Variants in MAD1L1 observed in about 807,000 individuals in gnomAD.
The protein encoded by MAD1L1 is mitotic arrest deficient 1 like 1.
A neutral mutation model predicts 96.9 loss-of-function variants in MAD1L1; 95 were observed. The observed-to-expected ratio is 0.98, with a 90% CI of 0.83 to 1.16. MAD1L1 has a LOEUF of 1.16. Ranked by LOEUF, MAD1L1 falls within the 50% of genes most tolerant of loss-of-function variation. MAD1L1 has a pLI of 0.00. For synonymous variants in MAD1L1, 473 were observed against 396.6 expected (o/e 1.19, Z -2.29); for missense variants, 1,007 against 954.4 (o/e 1.06, Z -0.73).
rs1786916014 is a variant in MAD1L1 at position 2,103,347 on chromosome 7, G to C, written c.1074-34009C>G. ...CTGCACTCAGTGAAGGCCTGGGCCT[G>C]CCTGCCCCGCCGCTCAGTAGACGGC... On this transcript the variant is annotated intron_variant, in intron 11 of 18. Transcript: ENST00000265854. The surrounding 1 kb of genome is among the most constrained non-coding windows in gnomAD (Gnocchi z 4.3). Among the ~76,000 whole-genome samples the C allele has an allele frequency of 6.6e-6, 1 of 152,262 alleles. No homozygotes were observed. Among genetic ancestry groups the C allele is most frequent in the South Asian group, 2.1e-4 (1 of 4,822 alleles).
chr7:1,921,935 GA>G (rs1788817037), intron 17 of MAD1L1, among the ~76,000 whole-genome samples: 1 of 152,168 alleles, frequency 6.6e-6, no homozygotes, highest in South Asian at 2.1e-4. Context: ...GAAGAAAATA[GA>G]ATTATTTATC....
chr7:2,150,360 G>A (rs765738514), intron 10 of MAD1L1, among the ~76,000 whole-genome samples: 2 of 152,226 alleles, frequency 1.3e-5, no homozygotes, highest in East Asian at 3.9e-4. Context: ...AAACGCGCAC[G>A]CTGCAAACCT....
Position 2,229,989 on chromosome 7 carries a change from T to A in MAD1L1, c.145A>T (p.Met49Leu), listed in dbSNP as rs190986795. 1 of 1,612,654 alleles carries A rather than the reference T, an allele frequency of 6.2e-7. No homozygotes were observed. Among genetic ancestry groups the A allele is most frequent in the South Asian group, 1.1e-5 (1 of 91,016 alleles). ...GSLQMQYQQS[M>L]QLEERAEQIR... ...CCCAGGCACATGCCACTCACCTGCA[T>A]GCTCTGCTGGTACTGCATCTGCAGA... Residue 49 changes from methionine (M) to leucine (L), a missense_variant, in exon 3 of 19, where the codon ATG (methionine) becomes TTG (leucine). By Grantham distance (15) the Met-to-Leu change is conservative (BLOSUM62 2). Coordinates refer to ENST00000265854, the MANE Select transcript of MAD1L1 (RefSeq NM_001013836.2).
chr7:1,851,089 G>A (rs1646087702), intron 18 of MAD1L1, among the ~76,000 whole-genome samples: 1 of 152,234 alleles, frequency 6.6e-6, no homozygotes, highest in African/African-American at 2.4e-5. Context: ...AAGCCCACAG[G>A]CCACAAGCGT....
rs1780281765 is a variant in MAD1L1, at chr7:1,968,750, A to G, written c.1506-11031T>C. ...ACCACCATCTCAGGTTAACAATGAA[A>G]CACATCACACAAGCTCGCTTCGGGG... On this transcript the variant is annotated intron_variant, in intron 15 of 18. Coordinates refer to ENST00000265854, the MANE Select transcript of MAD1L1 (RefSeq NM_001013836.2). This position sits in a 1 kb window ranked among gnomAD's most constrained non-coding sequence, Gnocchi z 5.6. Among the ~76,000 whole-genome samples the G allele has an allele frequency of 6.6e-6, 1 of 152,234 alleles. No homozygotes were observed. The highest frequency in any genetic ancestry group is 1.5e-5 in the Non-Finnish European group (1 of 68,040).
chr7:2,073,393 A>C (rs1175983523), intron 11 of MAD1L1, among the ~76,000 whole-genome samples: 3 of 152,114 alleles, frequency 2.0e-5, no homozygotes. Flanking sequence ...GACCCCTCGG[A>C]CCCTTGCTGG....
chr7:1,869,226 G>A (rs1217882091), intron 18 of MAD1L1, among the ~76,000 whole-genome samples: 1 of 152,164 alleles, frequency 6.6e-6, no homozygotes, highest in East Asian at 1.9e-4. Flanking sequence ...AGGCCCGGGG[G>A]AACGCCAGGG....
intron 12 of MAD1L1, among the ~76,000 whole-genome samples, chr7:2,055,669 CAAAAAAA>C (rs35707803): frequency 1.7e-4 from 15 of 90,524 alleles, no homozygotes; most frequent in Non-Finnish European, 2.8e-4. Flanking sequence ...GACCCTGTCT[CAAAAAAA>C]AAAAAAAAAA....
At chr7:2,196,762 G>A (rs1562361139) in intron 10 of MAD1L1, among the ~76,000 whole-genome samples, 1 of 152,224 alleles carries the variant, frequency 6.6e-6, no homozygotes. Context: ...TCAGAAGTCA[G>A]AAGGCCTCGG....
At chr7:2,159,491 A>G (rs1260363223) in intron 10 of MAD1L1, among the ~76,000 whole-genome samples, 1 of 152,224 alleles carries the variant, frequency 6.6e-6, no homozygotes, top group Non-Finnish European at 1.5e-5. Flanking sequence ...CCACCAGCTG[A>G]GATCCTGCAT....
intron 11 of MAD1L1, among the ~76,000 whole-genome samples, chr7:2,075,998 G>A (rs951973599): frequency 6.6e-6 from 1 of 152,242 alleles, no homozygotes; most frequent in African/African-American, 2.4e-5. Flanking sequence ...GCGGGAGACA[G>A]GCTCTGAGAG....
intron 18 of MAD1L1, among the ~76,000 whole-genome samples, chr7:1,878,070 T>G (rs930233810): frequency 3.3e-5 from 5 of 152,080 alleles, no homozygotes; most frequent in African/African-American, 9.7e-5. Context: ...TGCCAATAAA[T>G]TTGACAGTAT....
intron 15 of MAD1L1, among the ~76,000 whole-genome samples, chr7:1,972,918 T>C (rs1178958477): frequency 6.6e-6 from 1 of 152,242 alleles, no homozygotes; most frequent in Non-Finnish European, 1.5e-5. Context: ...ACACGGGCAA[T>C]GCAGACATGT....
At chr7:2,102,857 C>G (rs1210904029) in intron 11 of MAD1L1, among the ~76,000 whole-genome samples, 1 of 152,222 alleles carries the variant, frequency 6.6e-6, no homozygotes, top group Admixed American at 6.5e-5. Flanking sequence ...GCATGAGACG[C>G]ATCCTTGTCA....
chr7:2,114,958 G>A lies in MAD1L1; in HGVS notation c.1073+34194C>T, dbSNP rs893383419. The stretch of plus-strand genomic sequence containing the variant: ...CCGCTGCAGCAGCAGGGAACCTTCC[G>A]GAAGAATCTGTTCCCAGGGTAGAAA... On this transcript the variant is annotated intron_variant, in intron 11 of 18. Transcript: ENST00000265854. This position sits in a 1 kb window ranked among gnomAD's most constrained non-coding sequence, Gnocchi z 4.2. 5.9e-5 allele frequency among the ~76,000 whole-genome samples: 9 copies of A among 152,232 alleles called. No homozygotes were observed. The highest frequency in any genetic ancestry group is 1.9e-4 in the East Asian group (1 of 5,200).
intron 11 of MAD1L1, among the ~76,000 whole-genome samples, chr7:2,107,117 C>T (rs1787140855): frequency 6.6e-6 from 1 of 152,238 alleles, no homozygotes; most frequent in Non-Finnish European, 1.5e-5. Context: ...GATGGCAGCG[C>T]ACCGGGAGGC....
chr7:1,873,280 C>T (rs1025497064), intron 18 of MAD1L1, among the ~76,000 whole-genome samples: 4 of 152,334 alleles, frequency 2.6e-5, no homozygotes, highest in East Asian at 1.9e-4. Context: ...GGCTGGGGCG[C>T]GAGTCCGGGT....
intron 18 of MAD1L1, among the ~76,000 whole-genome samples, chr7:1,894,633 T>TATCC (rs1420810766): frequency 6.6e-6 from 1 of 151,988 alleles, no homozygotes; most frequent in Non-Finnish European, 1.5e-5. Flanking sequence ...TAAAGGCCCA[T>TATCC]ATCCAGCAGG....
intron 16 of MAD1L1, among the ~76,000 whole-genome samples, chr7:1,954,038 C>T (rs189308787): frequency 3.9e-5 from 6 of 152,148 alleles, no homozygotes; most frequent in Admixed American, 6.5e-5. Flanking sequence ...TGTCCTGCCC[C>T]GTAGCCTGTG....
Sources: gnomAD v4.1 joint callset for allele counts (sites outside exome capture counted in the v4.1 genomes callset) on GRCh38, gnomAD v4.1.1 for gene constraint, Gnocchi (gnomAD v3.1) non-coding constraint, MANE v1.5 for transcripts, NCBI Gene and HGNC (gene_info 2026-07-23, HGNC 2026-07-21) for gene names.